Variants in CAPN8 observed in about 807,000 individuals in gnomAD.
The protein encoded by CAPN8 is calpain 8.
CAPN8 carries 87 observed loss-of-function variants against 80.9 expected under a neutral mutation model. That is an observed-to-expected ratio of 1.07 (90% confidence interval 0.90 to 1.28). The LOEUF (loss-of-function observed/expected upper bound fraction) is 1.28, where lower values mean the gene tolerates loss of function less well. Among genes scored for constraint, CAPN8 ranks in the 50% most tolerant of loss-of-function variants. The pLI is 0.00. For missense variants in CAPN8, 757 were observed against 702.0 expected (o/e 1.08, Z -0.89); for synonymous variants, 299 against 273.8 (o/e 1.09, Z -0.91).
At chr1:223,631,086 G>A (rs958746978) in intron 2 of CAPN8, among the ~76,000 whole-genome samples, 3 of 152,080 alleles carry the variant, frequency 2.0e-5, no homozygotes, top group Non-Finnish European at 4.4e-5. Context: ...TCTCCGCTAT[G>A]AATCTAATCT....
In CAPN8 at chr1:223,628,673, A is replaced by G. The variant is rs1436990679; in HGVS notation, c.415T>C (p.Phe139Leu). The G allele has an allele frequency of 5.8e-6, 9 of 1,551,148 alleles. No homozygotes were observed. The highest frequency in any genetic ancestry group is 7.8e-6 in the Non-Finnish European group (9 of 1,146,562). Residue 139 changes from phenylalanine (F) to leucine (L), a missense_variant, in exon 3 of 21, where the codon TTT (phenylalanine) becomes CTT (leucine). Physicochemically the swap from Phe to Leu is conservative, Grantham distance 22. Coordinates refer to ENST00000366872, the MANE Select transcript of CAPN8 (RefSeq NM_001143962.2). ...GCAGAGCACAGTACCTGAAAGTGAA[A>G]GATTCCCGCATAGTTCTCCTGGAAG... ...QDFQENYAGI[F>L]HFQFWQYGEW...
chr1:223,614,677 A>C (rs1345707881), intron 10 of CAPN8, among the ~76,000 whole-genome samples: 1 of 152,110 alleles, frequency 6.6e-6, no homozygotes, highest in Non-Finnish European at 1.5e-5. Flanking sequence ...TGTGCATCTC[A>C]CTTTCCACTT....
chr1:223,640,351 G>A (rs61825224), intron 2 of CAPN8, among the ~76,000 whole-genome samples: 1 of 152,158 alleles, frequency 6.6e-6, no homozygotes, highest in Admixed American at 6.5e-5. Flanking sequence ...ACCCAAACAA[G>A]TGAATCAACA....
intron 9 of CAPN8, 69 bp from the exon 10 acceptor site, chr1:223,616,214 A>T: frequency 6.8e-7 from 1 of 1,467,450 alleles, no homozygotes; most frequent in Non-Finnish European, 9.1e-7. Flanking sequence ...ATAAAGTAAA[A>T]GGGAAGAAAC....
Position 223,552,361 on chromosome 1 carries a change from C to T in CAPN8, c.1642-1344G>A, listed in dbSNP as rs1335313080. Among the ~76,000 whole-genome samples the T allele has an allele frequency of 3.3e-5, 5 of 152,088 alleles. No homozygotes were observed. The South Asian group carries it at 8.3e-4, about 25-fold the overall frequency. ...GGTGGATCACCTAAGGTCAGGAGTT[C>T]GAGACCAGCCTGGCCAATATGGCGA... On this transcript the variant is annotated intron_variant, in intron 14 of 20. Transcript: ENST00000366872.
intron 2 of CAPN8, chr1:223,643,980 A>G (rs1658116629): frequency 1.6e-5 from 3 of 182,378 alleles, no homozygotes; most frequent in African/African-American, 7.2e-5. Flanking sequence ...ACAATCCCAC[A>G]GTACTTATTG....
chr1:223,543,352 C>T (rs949777467), intron 19 of CAPN8, among the ~76,000 whole-genome samples, 186 bp from the exon 20 acceptor site: 1 of 151,072 alleles, frequency 6.6e-6, no homozygotes, highest in African/African-American at 2.4e-5. Flanking sequence ...ACACAATGAG[C>T]TTTTGGGGGA....
chr1:223,551,973 C>A (rs1248992178), intron 14 of CAPN8, among the ~76,000 whole-genome samples: 4 of 152,202 alleles, frequency 2.6e-5, no homozygotes, highest in Admixed American at 2.6e-4. Context: ...CTGGGATAAA[C>A]ACTGAGCCAG....
intron 14 of CAPN8, 54 bp downstream of exon 14, chr1:223,553,778 C>A (rs1425874976): frequency 2.5e-6 from 1 of 398,434 alleles, no homozygotes; most frequent in Non-Finnish European, 4.4e-6. Context: ...GTGACCTGAG[C>A]ATTCCTGAAT....
chr1:223,614,169 C>A (rs1367325343), intron 10 of CAPN8, among the ~76,000 whole-genome samples: 1 of 152,108 alleles, frequency 6.6e-6, no homozygotes, highest in Non-Finnish European at 1.5e-5. Context: ...GAGGCCAAAG[C>A]GGGTGGATCA....
chr1:223,556,036 T>C (rs1656898530), intron 13 of CAPN8, among the ~76,000 whole-genome samples: 1 of 152,232 alleles, frequency 6.6e-6, no homozygotes, highest in Non-Finnish European at 1.5e-5. Flanking sequence ...CAAGGAATTA[T>C]TTTCTTGTTA....
At chr1:223,659,703 G>A (rs768578439) in intron 1 of CAPN8, among the ~76,000 whole-genome samples, 8 of 152,110 alleles carry the variant, frequency 5.3e-5, no homozygotes, top group Non-Finnish European at 1.2e-4. Flanking sequence ...ATTCTGTCTT[G>A]TAATAACAGC....
At chr1:223,557,121 A>G (rs1251284981) in intron 13 of CAPN8, among the ~76,000 whole-genome samples, 1 of 152,206 alleles carries the variant, frequency 6.6e-6, no homozygotes, top group Admixed American at 6.5e-5. Context: ...GAAAAAATAG[A>G]CATGGGGCAT....
chr1:223,640,381 C>A (rs1658013278), intron 2 of CAPN8, among the ~76,000 whole-genome samples: 1 of 152,168 alleles, frequency 6.6e-6, no homozygotes, highest in African/African-American at 2.4e-5. Context: ...TGAGCGTCTA[C>A]TGCCTATAGG....
rs538916954 is a variant in CAPN8, at chr1:223,628,593, G to T, written c.426+69C>A. ...GTGCCCCAAACCCAGAATTTCTGAC[G>T]CAGTGGACCTGCAGTGAGCCCTAAG... On this transcript the variant is annotated intron_variant, in intron 3 of 20. Coordinates refer to ENST00000366872, the MANE Select transcript of CAPN8 (RefSeq NM_001143962.2). 670 of 1,221,108 alleles carry T rather than the reference G, an allele frequency of 5.5e-4. 1 individual carries two copies. Among genetic ancestry groups the T allele is most frequent in the Non-Finnish European group, 7.1e-4 (612 of 858,826 alleles). The allele number at this position is 1,221,108 out of a possible 1,614,324, so 75.6% of individuals were successfully genotyped here.
chr1:223,660,612 G>A (rs904859249), intron 1 of CAPN8, among the ~76,000 whole-genome samples: 1 of 152,228 alleles, frequency 6.6e-6, no homozygotes, highest in Non-Finnish European at 1.5e-5. Context: ...AGCAGGGGCA[G>A]GATGTCAAAT....
intron 2 of CAPN8, among the ~76,000 whole-genome samples, chr1:223,639,712 A>G (rs1657998304): frequency 6.6e-6 from 1 of 152,260 alleles, no homozygotes; most frequent in Non-Finnish European, 1.5e-5. Flanking sequence ...CTTTGCTCAA[A>G]TAAACTTTGT....
At chr1:223,615,047 A>T (rs1411088629) in intron 10 of CAPN8, among the ~76,000 whole-genome samples, 5 of 152,256 alleles carry the variant, frequency 3.3e-5, no homozygotes, top group African/African-American at 9.6e-5. Context: ...AAAGCCCTAA[A>T]TTCCAGAATA....
Position 223,545,272 on chromosome 1 carries a change from C to A in CAPN8, c.1792G>T (p.Val598Leu). ...TTCAGCCAGAGCGTCTTGAATTCCACCGCCCCCAAAGTGCCCGTTCCATTG... is the reference window on the plus strand; with the variant it reads ...TTCAGCCAGAGCGTCTTGAATTCCAACGCCCCCAAAGTGCCCGTTCCATTG... ...DSNGTGTLGA[V>L]EFKTLWLKIQ... Residue 598 changes from valine (V) to leucine (L), a missense_variant, in exon 17 of 21, where the codon GTG becomes TTG. Transcript: ENST00000366872. The A allele has an allele frequency of 2.6e-6, 4 of 1,551,654 alleles. No individual in the cohort carries two copies. Among genetic ancestry groups the A allele is most frequent in the Middle Eastern group, 3.3e-4 (2 of 5,992 alleles).
Sources: gnomAD v4.1 joint callset for allele counts (sites outside exome capture counted in the v4.1 genomes callset) on GRCh38, gnomAD v4.1.1 for gene constraint, MANE v1.5 for transcripts, NCBI Gene and HGNC (gene_info 2026-07-23, HGNC 2026-07-21) for gene names.